The following STK24 variants were observed in gnomAD, a reference collection of about 807,000 sequenced individuals.
STK24 encodes the protein serine/threonine kinase 24, also known as serine/threonine-protein kinase 24.
Under a neutral mutation model 55.6 loss-of-function variants are expected in STK24, and 21 were observed. That is an observed-to-expected ratio of 0.38 (90% CI 0.27 to 0.54). STK24 has a LOEUF of 0.54. STK24 is among the 20% of genes least tolerant of loss of function. STK24 has a pLI of 0.79. For synonymous variants in STK24, 200 were observed against 215.2 expected, an observed-to-expected ratio of 0.93 and a Z score of 0.62; for missense variants, 383 against 538.4, an observed-to-expected ratio of 0.71 and a Z score of 2.86.
intron 2 of STK24, among the ~76,000 whole-genome samples, chr13:98,506,500 G>A (rs1321136602): frequency 6.6e-6 from 1 of 152,172 alleles, no homozygotes; most frequent in South Asian, 2.1e-4. Context: ...CAGCTGATGC[G>A]AGCACAGGAG....
rs566483879 is a variant in STK24 at position 98,575,190 on chromosome 13, C to G, written c.42+1555G>C. ...CATACCAAAGCGGCTTTAGAAAATA[C>G]CAAGAAACCACATCTGATTGTTACC... On this transcript the variant is annotated intron_variant, in intron 1 of 10. Coordinates refer to ENST00000539966, the MANE Select transcript of STK24 (RefSeq NM_001032296.4). Among the ~76,000 whole-genome samples the G allele has an allele frequency of 2.0e-5, 3 of 152,186 alleles. No individual in the cohort carries two copies. The South Asian group carries it at 6.2e-4, about 32-fold the overall frequency.
chr13:98,469,564 G>C (rs1321792816), intron 5 of STK24, among the ~76,000 whole-genome samples: 1 of 151,958 alleles, frequency 6.6e-6, no homozygotes, highest in East Asian at 1.9e-4. Flanking sequence ...AGGCGGCGGG[G>C]GGAGGACATC....
chr13:98,533,572 C>T (rs1896635712), intron 1 of STK24, among the ~76,000 whole-genome samples: 1 of 151,808 alleles, frequency 6.6e-6, no homozygotes, highest in African/African-American at 2.4e-5. Flanking sequence ...ATCACTTGAG[C>T]CCAGGAGTTT....
intron 1 of STK24, among the ~76,000 whole-genome samples, chr13:98,559,405 G>A (rs1397794058): frequency 6.6e-6 from 1 of 152,166 alleles, no homozygotes; most frequent in Non-Finnish European, 1.5e-5. Context: ...TCTCTTGCCT[G>A]CCGACATGTG....
rs557375498 is a variant in STK24, at chr13:98,543,446, G to A, written c.43-23973C>T. Among the ~76,000 whole-genome samples, 123 of 152,246 alleles carry A rather than the reference G, an allele frequency of 8.1e-4. 3 individuals are homozygous for A. The highest frequency in any genetic ancestry group is 3.4e-3 in the Middle Eastern group (1 of 294). On this transcript the variant is annotated intron_variant, in intron 1 of 10. Coordinates refer to ENST00000539966, the MANE Select transcript of STK24 (RefSeq NM_001032296.4). The stretch of plus-strand genomic sequence containing the variant: ...GCCCAAACTGCACCTCTCAGAGTGG[G>A]GCCTCAGTCCTGCTCTCAGAACATT...
At chr13:98,560,707 C>T (rs527369026) in intron 1 of STK24, among the ~76,000 whole-genome samples, 35 of 151,998 alleles carry the variant, frequency 2.3e-4, no homozygotes, top group African/African-American at 6.8e-4. Flanking sequence ...GGTGAAACCC[C>T]GTCTCTAGTA....
At chr13:98,506,909 G>A (rs1895700254) in intron 2 of STK24, among the ~76,000 whole-genome samples, 1 of 152,234 alleles carries the variant, frequency 6.6e-6, no homozygotes, top group Non-Finnish European at 1.5e-5. Flanking sequence ...CGGTGACCCT[G>A]GGCCAGGAGC....
chr13:98,531,106 C>T (rs1352659223), intron 1 of STK24, among the ~76,000 whole-genome samples: 2 of 152,094 alleles, frequency 1.3e-5, no homozygotes, highest in East Asian at 1.9e-4. Flanking sequence ...ATTAAACTGG[C>T]CATTAAATGT....
At chr13:98,564,155 T>G (rs184677348) in intron 1 of STK24, among the ~76,000 whole-genome samples, 1 of 152,230 alleles carries the variant, frequency 6.6e-6, no homozygotes, top group Non-Finnish European at 1.5e-5. Context: ...TGATATGAAA[T>G]ACTTTTTCCC....
chr13:98,550,638 A>G (rs1236018928), intron 1 of STK24, among the ~76,000 whole-genome samples: 2 of 152,182 alleles, frequency 1.3e-5, no homozygotes, highest in Admixed American at 1.3e-4. Context: ...CCTTTCTAAT[A>G]CTTATACTGG....
intron 1 of STK24, among the ~76,000 whole-genome samples, chr13:98,520,488 C>G (rs1896220072): frequency 6.6e-6 from 1 of 152,144 alleles, no homozygotes; most frequent in South Asian, 2.1e-4. Flanking sequence ...TTTGAAGAAG[C>G]TGAACTACTA....
At chr13:98,488,208 G>GACACACACAC in intron 2 of STK24, among the ~76,000 whole-genome samples, 1 of 100,328 alleles carries the variant, frequency 1.0e-5, no homozygotes, top group Non-Finnish European at 2.2e-5. Flanking sequence ...CACACACACG[G>GACACACACAC]GAAGACCACA....
chr13:98,569,509 G>A (rs1419659501), intron 1 of STK24, among the ~76,000 whole-genome samples: 1 of 152,046 alleles, frequency 6.6e-6, no homozygotes, highest in Non-Finnish European at 1.5e-5. Flanking sequence ...ACCAGAGGAT[G>A]GGGGTGGCAC....
intron 1 of STK24, among the ~76,000 whole-genome samples, chr13:98,570,550 A>G (rs1241798117): frequency 6.6e-6 from 1 of 152,218 alleles, no homozygotes; most frequent in East Asian, 1.9e-4. Context: ...CAGAGCGCAG[A>G]ACAGAAAAGG....
chr13:98,534,577 T>C (rs1207441520), intron 1 of STK24, among the ~76,000 whole-genome samples: 1 of 152,112 alleles, frequency 6.6e-6, no homozygotes, highest in Non-Finnish European at 1.5e-5. Flanking sequence ...ATTCTGAACC[T>C]CCCAAAACTG....
At position 98,529,977 on chromosome 13, in the gene STK24, C is replaced by G. The variant is rs141877919; in HGVS notation, c.43-10504G>C. ...CCTGCAGGGCCCAGGAAAGAAGGCTCTACTCCACTGGCACTGCTGGAGAAG... is the reference window on the plus strand; with the variant it reads ...CCTGCAGGGCCCAGGAAAGAAGGCTGTACTCCACTGGCACTGCTGGAGAAG... On this transcript the variant is annotated intron_variant, in intron 1 of 10. Transcript: ENST00000539966. 1.9e-3 allele frequency among the ~76,000 whole-genome samples: 295 copies of G among 152,278 alleles called. 6 individuals carry two copies. In the East Asian group the frequency reaches 0.052, roughly 27 times the overall value.
rs1892922716 is a variant in STK24 at position 98,447,495 on chromosome 13, G to C, written c.*5678C>G. On this transcript the variant is annotated 3_prime_UTR_variant, in exon 11 of 11. Transcript: ENST00000539966. ...CAGCCTTGCAGTCCAGATCCTGAAA[G>C]GCCTGGGACAAGGCCAGGTAATTTG... 6.6e-6 allele frequency: 1 copy of C among 152,350 alleles called. No homozygotes were observed. Among genetic ancestry groups the C allele is most frequent in the Non-Finnish European group, 1.5e-5 (1 of 68,200 alleles). 9.4% of individuals were successfully genotyped at this position (152,350 alleles called of 1,614,324 possible).
At chr13:98,471,132 C>T (rs1028038578) in intron 5 of STK24, among the ~76,000 whole-genome samples, 3 of 152,240 alleles carry the variant, frequency 2.0e-5, no homozygotes, top group Admixed American at 2.0e-4. Flanking sequence ...GTGGACAATT[C>T]CTGAGCCGTA....
At chr13:98,457,128 G>T in intron 10 of STK24, 40 bp downstream of exon 10, 1 of 1,596,350 alleles carries the variant, frequency 6.3e-7, no homozygotes, top group Non-Finnish European at 8.5e-7. Context: ...CCAAGTGCAG[G>T]TCTCTCCTTC....
Sources: gnomAD v4.1 joint callset for allele counts (sites outside exome capture counted in the v4.1 genomes callset) on GRCh38, gnomAD v4.1.1 for gene constraint, MANE v1.5 for transcripts, NCBI Gene and HGNC (gene_info 2026-07-23, HGNC 2026-07-21) for gene names.